Variants in PEX5L observed in about 807,000 individuals in gnomAD.
PEX5L encodes the protein peroxisomal biogenesis factor 5 like.
Under a neutral mutation model 84.0 loss-of-function variants are expected in PEX5L, and 30 were observed. That is an observed-to-expected ratio of 0.36 (90% CI 0.27 to 0.48). PEX5L has a LOEUF of 0.48. Ranked by LOEUF, PEX5L falls within the 20% of genes least tolerant of loss-of-function variation. The pLI, the probability that PEX5L is intolerant of heterozygous loss-of-function variation, is 0.99. For missense variants in PEX5L, 533 were observed against 754.6 expected, an observed-to-expected ratio of 0.71 and a Z score of 3.44; for synonymous variants, 270 against 283.1, an observed-to-expected ratio of 0.95 and a Z score of 0.46.
intron 14 of PEX5L, chr3:179,804,515 G>C (rs895910585): frequency 6.6e-6 from 1 of 152,092 alleles, no homozygotes; most frequent in Non-Finnish European, 1.5e-5. Flanking sequence ...TGACAAAGGT[G>C]TAACATTTAG....
At chr3:179,844,624 C>T (rs1011697321) in intron 8 of PEX5L, among the ~76,000 whole-genome samples, 9 of 152,042 alleles carry the variant, frequency 5.9e-5, no homozygotes, top group Non-Finnish European at 1.0e-4. Flanking sequence ...GTCAGAAGAT[C>T]GAGACCATCC....
At chr3:179,868,952 A>G (rs1225282180) in intron 7 of PEX5L, among the ~76,000 whole-genome samples, 1 of 152,066 alleles carries the variant, frequency 6.6e-6, no homozygotes, top group Non-Finnish European at 1.5e-5. Context: ...CTTTTCTCCC[A>G]TTAATCAATC....
chr3:179,979,249 T>TAA (rs201687554), intron 1 of PEX5L, among the ~76,000 whole-genome samples: 2 of 124,740 alleles, frequency 1.6e-5, no homozygotes, highest in Non-Finnish European at 3.6e-5. Flanking sequence ...ATTCAAATTT[T>TAA]AAAAAAAAAA....
intron 1 of PEX5L, among the ~76,000 whole-genome samples, chr3:180,015,003 G>A (rs1392100242): frequency 6.6e-6 from 1 of 152,126 alleles, no homozygotes; most frequent in Non-Finnish European, 1.5e-5. Flanking sequence ...CATGAATAAG[G>A]TATATTCTTT....
At chr3:179,882,066 G>A (rs1476119676) in intron 4 of PEX5L, among the ~76,000 whole-genome samples, 2 of 152,184 alleles carry the variant, frequency 1.3e-5, no homozygotes, top group Non-Finnish European at 2.9e-5. Flanking sequence ...CCACTATTAT[G>A]TTGGCAAGGA....
chr3:179,897,284 A>G (rs1759667961), intron 3 of PEX5L, among the ~76,000 whole-genome samples: 1 of 152,130 alleles, frequency 6.6e-6, no homozygotes, highest in African/African-American at 2.4e-5. Flanking sequence ...GGAAAAAATG[A>G]AATGTTTAAA....
At chr3:179,899,578 G>C (rs1184586183) in intron 2 of PEX5L, among the ~76,000 whole-genome samples, 1 of 152,102 alleles carries the variant, frequency 6.6e-6, no homozygotes, top group Non-Finnish European at 1.5e-5. Context: ...TATTTAGAAG[G>C]TAGGTTTACT....
chr3:179,994,991 C>T (rs1787729042), intron 1 of PEX5L, among the ~76,000 whole-genome samples: 1 of 151,240 alleles, frequency 6.6e-6, no homozygotes, highest in African/African-American at 2.4e-5. Context: ...ACTTAATAAA[C>T]TCCCATCTAT....
At chr3:179,965,851 T>G (rs1304276279) in intron 2 of PEX5L, among the ~76,000 whole-genome samples, 2 of 152,154 alleles carry the variant, frequency 1.3e-5, no homozygotes, top group Non-Finnish European at 2.9e-5. Context: ...TTGATACAAA[T>G]AGAGAATATT....
chr3:179,871,478 A>G (rs1343808639), intron 7 of PEX5L, among the ~76,000 whole-genome samples: 1 of 152,218 alleles, frequency 6.6e-6, no homozygotes, highest in African/African-American at 2.4e-5. Flanking sequence ...TTCATAGATT[A>G]AAAGACAAAA....
At chr3:180,033,750 C>G (rs1281466921) in intron 1 of PEX5L, among the ~76,000 whole-genome samples, 1 of 152,142 alleles carries the variant, frequency 6.6e-6, no homozygotes, top group Non-Finnish European at 1.5e-5. Flanking sequence ...ACAAAAGAAG[C>G]AACCTTTGCT....
intron 8 of PEX5L, among the ~76,000 whole-genome samples, chr3:179,821,603 C>T (rs189270207): frequency 3.9e-4 from 60 of 152,208 alleles, no homozygotes; most frequent in Non-Finnish European, 7.6e-4. Flanking sequence ...CTCACAGAAA[C>T]GGGTTCTGCC....
intron 5 of PEX5L, among the ~76,000 whole-genome samples, chr3:179,879,715 G>A (rs1220520036): frequency 1.3e-5 from 2 of 152,124 alleles, no homozygotes; most frequent in South Asian, 2.1e-4. Flanking sequence ...TTTGTGGGTC[G>A]AATAAATAAA....
At chr3:179,953,678 G>T (rs553972062) in intron 2 of PEX5L, among the ~76,000 whole-genome samples, 1 of 152,066 alleles carries the variant, frequency 6.6e-6, no homozygotes, top group Non-Finnish European at 1.5e-5. Context: ...ATGATCCATC[G>T]TCAGTGATGG....
intron 7 of PEX5L, among the ~76,000 whole-genome samples, chr3:179,864,313 A>C (rs1747347149): frequency 6.6e-6 from 1 of 152,156 alleles, no homozygotes; most frequent in Non-Finnish European, 1.5e-5. Context: ...AAGGGTAAGG[A>C]GAATGTGATA....
chr3:180,032,419 G>A lies in PEX5L; in HGVS notation c.21+4160C>T, dbSNP rs572658463. 7.2e-5 allele frequency among the ~76,000 whole-genome samples: 11 copies of A among 152,244 alleles called. No individual in the cohort carries two copies. In the South Asian group the frequency reaches 8.3e-4, roughly 11 times the overall value. On this transcript the variant is annotated intron_variant, in intron 1 of 14. Transcript: ENST00000467460. ...TCACTCTCCTGAAAATGCCACCCCC[G>A]TTCCAACTCTAAACTAATCTCAAAG...
intron 1 of PEX5L, among the ~76,000 whole-genome samples, chr3:180,029,410 T>C (rs1156357323): frequency 1.3e-5 from 2 of 152,196 alleles, no homozygotes; most frequent in Admixed American, 1.3e-4. Flanking sequence ...TAAAACTATG[T>C]ATTTATTTAT....
intron 2 of PEX5L, among the ~76,000 whole-genome samples, chr3:179,913,908 T>C (rs1766073853): frequency 6.6e-6 from 1 of 152,204 alleles, no homozygotes; most frequent in Non-Finnish European, 1.5e-5. Flanking sequence ...TTATATCATA[T>C]CATGTTAACA....
intron 2 of PEX5L, among the ~76,000 whole-genome samples, chr3:179,943,735 CAA>C (rs1345445025): frequency 6.6e-6 from 1 of 152,180 alleles, no homozygotes; most frequent in African/African-American, 2.4e-5. Context: ...GAGAGAAAAA[CAA>C]GGCTTGAATT....
Sources: gnomAD v4.1 joint callset for allele counts (sites outside exome capture counted in the v4.1 genomes callset) on GRCh38, gnomAD v4.1.1 for gene constraint, MANE v1.5 for transcripts, NCBI Gene and HGNC (gene_info 2026-07-23, HGNC 2026-07-21) for gene names.